The following NXPE1 variants were observed in gnomAD, a reference collection of about 807,000 sequenced individuals.
NXPE1 encodes neurexophilin and PC-esterase domain family member 1.
Under a neutral mutation model 33.3 loss-of-function variants are expected in NXPE1, and 31 were observed. The ratio of observed to expected loss-of-function variants is 0.93; its 90% CI spans 0.70 to 1.26. NXPE1 has a LOEUF of 1.26. NXPE1 is among the 50% of genes most tolerant of loss of function. NXPE1 has a pLI of 0.00. For missense variants in NXPE1, 661 were observed against 655.6 expected, an observed-to-expected ratio of 1.01 and a Z score of -0.09; for synonymous variants, 229 against 231.4, an observed-to-expected ratio of 0.99 and a Z score of 0.09.
At chr11:114,534,376 G>A (rs137956552) in intron 5 of NXPE1, among the ~76,000 whole-genome samples, 3,266 of 152,248 alleles carry the variant, frequency 0.021, 116 homozygotes, top group African/African-American at 0.073. Flanking sequence ...AAATCAGAGC[G>A]CCTCTTCTCC....
intron 6 of NXPE1, 178 bp downstream of exon 6, chr11:114,529,997 T>G (rs913537194): frequency 3.3e-6 from 2 of 599,450 alleles, no homozygotes; most frequent in African/African-American, 1.9e-5. Context: ...TGGGACAATA[T>G]AGTGAAAATG....
At chr11:114,538,126 A>T (rs1170858535) in intron 5 of NXPE1, among the ~76,000 whole-genome samples, 2 of 152,196 alleles carry the variant, frequency 1.3e-5, no homozygotes, top group Non-Finnish European at 2.9e-5. Context: ...ATAATGCCAC[A>T]TATCTACAAC....
At chr11:114,540,013 T>C (rs2135040899) in intron 5 of NXPE1, among the ~76,000 whole-genome samples, 1 of 152,346 alleles carries the variant, frequency 6.6e-6, no homozygotes, top group South Asian at 2.1e-4. Flanking sequence ...ATAATTTCCT[T>C]ATGACCTCAC....
intron 1 of NXPE1, among the ~76,000 whole-genome samples, chr11:114,558,231 T>C (rs895738458): frequency 6.6e-6 from 1 of 152,196 alleles, no homozygotes; most frequent in African/African-American, 2.4e-5. Context: ...TATATCCATA[T>C]ATATGCACAT....
chr11:114,558,842 C>T (rs2135148808), intron 1 of NXPE1, among the ~76,000 whole-genome samples: 1 of 152,282 alleles, frequency 6.6e-6, no homozygotes, highest in South Asian at 2.1e-4. Context: ...TCACAGAGGA[C>T]TTCTCAGTCA....
intron 5 of NXPE1, among the ~76,000 whole-genome samples, chr11:114,533,671 C>T (rs562902109): frequency 2.6e-5 from 4 of 152,334 alleles, no homozygotes; most frequent in South Asian, 4.1e-4. Flanking sequence ...CCTACGCCCA[C>T]GGAGCCTTGC....
At chr11:114,541,506 G>A (rs1238463187) in intron 5 of NXPE1, among the ~76,000 whole-genome samples, 3 of 152,198 alleles carry the variant, frequency 2.0e-5, no homozygotes, top group African/African-American at 4.8e-5. Context: ...AAATATGAGC[G>A]ACCACGACAC....
At chr11:114,531,532 T>C (rs1947583811) in intron 5 of NXPE1, among the ~76,000 whole-genome samples, 1 of 152,220 alleles carries the variant, frequency 6.6e-6, no homozygotes, top group African/African-American at 2.4e-5. Flanking sequence ...TCTATTTGTG[T>C]CATCTCCCAA....
intron 5 of NXPE1, among the ~76,000 whole-genome samples, chr11:114,550,187 A>G (rs1448994655): frequency 1.3e-5 from 2 of 152,136 alleles, no homozygotes; most frequent in East Asian, 3.9e-4. Context: ...AATGTCCTAA[A>G]TATCTTCTGG....
chr11:114,525,103 G>C (rs1420372282), intron 7 of NXPE1, among the ~76,000 whole-genome samples: 1 of 151,816 alleles, frequency 6.6e-6, no homozygotes, highest in Non-Finnish European at 1.5e-5. Flanking sequence ...TAGATCTGGG[G>C]GTAATGGTGT....
chr11:114,528,985 C>G (rs748042066), intron 6 of NXPE1: 9 of 427,766 alleles, frequency 2.1e-5, no homozygotes, highest in Non-Finnish European at 3.8e-5. Flanking sequence ...CAGAAGGGAG[C>G]CAGGGACTAT....
chr11:114,519,978 AT>A (rs1162252617), downstream of NXPE1, among the ~76,000 whole-genome samples: 38 of 99,496 alleles, frequency 3.8e-4, no homozygotes, highest in Non-Finnish European at 5.6e-4. Flanking sequence ...TTGCCCGCTA[AT>A]TTTTTTTTGT....
chr11:114,528,121 A>C (rs1001431179), intron 6 of NXPE1, among the ~76,000 whole-genome samples: 3 of 152,200 alleles, frequency 2.0e-5, no homozygotes, highest in Admixed American at 6.5e-5. Flanking sequence ...AGCTCTACCG[A>C]TCTGCCACAT....
exon 9 of NXPE1, chr11:114,522,150 C>T (rs1947229094): frequency 1.2e-6 from 2 of 1,613,976 alleles, no homozygotes; most frequent in Non-Finnish European, 8.5e-7. Flanking sequence ...CCAAACCTCT[C>T]TGTCTCTATG....
intron 7 of NXPE1, among the ~76,000 whole-genome samples, chr11:114,524,484 C>G (rs1022421594): frequency 6.6e-6 from 1 of 152,172 alleles, no homozygotes; most frequent in Middle Eastern, 3.2e-3. Context: ...GGAAAGTGCA[C>G]TTGGAATAGC....
chr11:114,545,674 T>C (rs973831101), intron 5 of NXPE1, among the ~76,000 whole-genome samples: 3 of 151,764 alleles, frequency 2.0e-5, no homozygotes, highest in South Asian at 2.1e-4. Flanking sequence ...TTGAATCTTA[T>C]AACACAAAGA....
downstream of NXPE1, among the ~76,000 whole-genome samples, chr11:114,519,766 G>T (rs11826058): frequency 3.1e-4 from 47 of 152,108 alleles, 1 homozygote; most frequent in African/African-American, 8.7e-4. Flanking sequence ...TTTTGTGTAT[G>T]TATCTTTTAT....
At chr11:114,546,008 C>A (rs1190726657) in intron 5 of NXPE1, among the ~76,000 whole-genome samples, 1 of 151,560 alleles carries the variant, frequency 6.6e-6, no homozygotes, top group Non-Finnish European at 1.5e-5. Flanking sequence ...TTAATGTATG[C>A]AAAATAAAAA....
intron 7 of NXPE1, among the ~76,000 whole-genome samples, chr11:114,525,777 G>T (rs967485154): frequency 6.6e-6 from 1 of 152,184 alleles, no homozygotes; most frequent in Non-Finnish European, 1.5e-5. Flanking sequence ...TTAGTGAAGT[G>T]TATATTCAAG....
Sources: gnomAD v4.1 joint callset for allele counts (sites outside exome capture counted in the v4.1 genomes callset) on GRCh38, gnomAD v4.1.1 for gene constraint, MANE v1.5 for transcripts, NCBI Gene and HGNC (gene_info 2026-07-23, HGNC 2026-07-21) for gene names.